KCNG2: variants seen among roughly 807,000 people sequenced by gnomAD.
The protein encoded by KCNG2 is potassium voltage-gated channel modifier subfamily G member 2.
In KCNG2, 7 loss-of-function variants were observed where a neutral mutation model predicts 12.3. That is an observed-to-expected ratio of 0.57 (90% CI 0.32 to 1.07). The LOEUF (loss-of-function observed/expected upper bound fraction) is 1.07, where lower values mean the gene tolerates loss of function less well. Ranked by LOEUF, KCNG2 falls within the 50% of genes least tolerant of loss-of-function variation. KCNG2 has a pLI of 0.04. For synonymous variants in KCNG2, 414 were observed against 351.4 expected, an observed-to-expected ratio of 1.18 and a Z score of -1.99; for missense variants, 703 against 726.0, an observed-to-expected ratio of 0.97 and a Z score of 0.36.
intron 3 of KCNG2, chr18:79,875,811 G>C (rs1980047436): frequency 6.6e-6 from 1 of 152,410 alleles, no homozygotes; most frequent in South Asian, 2.1e-4. Context: ...TGAAGGGGGA[G>C]GCGGTTGTGA....
chr18:79,895,413 G>T (rs1368434197), intron 3 of KCNG2, among the ~76,000 whole-genome samples: 1 of 151,694 alleles, frequency 6.6e-6, no homozygotes, highest in Non-Finnish European at 1.5e-5. Context: ...GTCTTCTTTT[G>T]ATTGCATTGT....
Position 79,884,767 on chromosome 18 carries a change from G to A in KCNG2, c.625-14273G>A, listed in dbSNP as rs1193845093. 6.6e-6 allele frequency among the ~76,000 whole-genome samples: 1 copy of A among 152,184 alleles called. No homozygotes were observed. Among genetic ancestry groups the A allele is most frequent in the Admixed American group, 6.5e-5 (1 of 15,284 alleles). On this transcript the variant is annotated intron_variant, in intron 3 of 3. Coordinates refer to ENST00000316249, the MANE Select transcript of KCNG2 (RefSeq NM_012283.2). The surrounding 1 kb of genome is among the most constrained non-coding windows in gnomAD (Gnocchi z 5.5). ...CGCCCGGCTCTGTGTTCCTCGGGGG[G>A]GCTCATCCTGGGGCCCAGGAACTCG...
rs1443950604 is a variant in KCNG2 at position 79,822,006 on chromosome 18, T to A, written c.-115+23992T>A. ...CCATTCTAGAAGTGGGCTGAGTGAA[T>A]GTGCCAGATGGGTTTGTTGTGAGGA... On this transcript the variant is annotated intron_variant, in intron 1 of 3. Transcript: ENST00000316249. The surrounding 1 kb of genome is among the most constrained non-coding windows in gnomAD (Gnocchi z 4.4). Among the ~76,000 whole-genome samples, 1 of 152,202 alleles carries A rather than the reference T, an allele frequency of 6.6e-6. No individual in the cohort carries two copies. The highest frequency in any genetic ancestry group is 1.5e-5 in the Non-Finnish European group (1 of 68,036).
At chr18:79,820,477 A>G (rs889545208) in intron 1 of KCNG2, among the ~76,000 whole-genome samples, 3 of 152,110 alleles carry the variant, frequency 2.0e-5, no homozygotes, top group African/African-American at 7.2e-5. Flanking sequence ...TGTCTTTCTT[A>G]TTACAGCCAT....
chr18:79,806,526 A>T (rs2087451165), intron 1 of KCNG2, among the ~76,000 whole-genome samples: 1 of 151,996 alleles, frequency 6.6e-6, no homozygotes, highest in Admixed American at 6.5e-5. Context: ...GGATCCTTCA[A>T]ATGCTTCAGT....
chr18:79,803,737 G>C lies in KCNG2; in HGVS notation c.-115+5723G>C, dbSNP rs1185386620. Reference sequence around the variant, plus strand: ...GTCCAGGAGCCCTCACAGCTCAGCCGGGGCCCTCCTGCGTCTCCCGACCAC... The same window carrying C: ...GTCCAGGAGCCCTCACAGCTCAGCCCGGGCCCTCCTGCGTCTCCCGACCAC... On this transcript the variant is annotated intron_variant, in intron 1 of 3. Transcript: ENST00000316249. The surrounding 1 kb of genome is among the most constrained non-coding windows in gnomAD (Gnocchi z 4.5). Among the ~76,000 whole-genome samples the C allele has an allele frequency of 6.6e-6, 1 of 152,214 alleles. No individual in the cohort carries two copies. The highest frequency in any genetic ancestry group is 1.5e-5 in the Non-Finnish European group (1 of 68,020).
intron 3 of KCNG2, among the ~76,000 whole-genome samples, chr18:79,867,620 C>T (rs906018418): frequency 2.0e-5 from 3 of 151,418 alleles, no homozygotes; most frequent in African/African-American, 7.3e-5. Context: ...AGCTCCGGGC[C>T]CTGGGCCTGG....
chr18:79,866,362 G>GAA (rs201887550), intron 3 of KCNG2, among the ~76,000 whole-genome samples: 1 of 105,804 alleles, frequency 9.5e-6, no homozygotes, highest in Non-Finnish European at 2.3e-5. Flanking sequence ...TGTGTGCTGA[G>GAA]GTCTGGGTGC....
chr18:79,823,159 A>G (rs777874494), intron 1 of KCNG2, among the ~76,000 whole-genome samples: 9 of 152,022 alleles, frequency 5.9e-5, no homozygotes, highest in Non-Finnish European at 1.2e-4. Context: ...TTCTCACTTA[A>G]TGTCCTGGAA....
At chr18:79,834,314 A>G (rs980832183) in intron 1 of KCNG2, among the ~76,000 whole-genome samples, 2 of 152,216 alleles carry the variant, frequency 1.3e-5, no homozygotes. Context: ...CATGTTTTAC[A>G]ATAGGTTGCA....
intron 1 of KCNG2, among the ~76,000 whole-genome samples, chr18:79,829,953 C>T (rs1320020150): frequency 1.3e-5 from 2 of 152,228 alleles, no homozygotes; most frequent in African/African-American, 4.8e-5. Flanking sequence ...CTTGTCAAAG[C>T]CTTGCACTTG....
At chr18:79,825,677 A>G (rs1427855773) in intron 1 of KCNG2, among the ~76,000 whole-genome samples, 1 of 152,252 alleles carries the variant, frequency 6.6e-6, no homozygotes, top group Non-Finnish European at 1.5e-5. Context: ...TAGATCAATC[A>G]CGCTGTCATT....
intron 1 of KCNG2, among the ~76,000 whole-genome samples, chr18:79,838,757 G>T (rs1365391949): frequency 1.3e-5 from 2 of 152,116 alleles, no homozygotes; most frequent in Admixed American, 1.3e-4. Flanking sequence ...TGAACAGAAT[G>T]AAAATATATA....
At position 79,863,932 on chromosome 18, in the gene KCNG2, A is replaced by G; in HGVS notation, c.265A>G (p.Lys89Glu). 7.3e-7 allele frequency: 1 copy of G among 1,364,846 alleles called. No homozygotes were observed. Among genetic ancestry groups the G allele is most frequent in the Non-Finnish European group, 9.5e-7 (1 of 1,053,502 alleles). The allele number at this position is 1,364,846 out of a possible 1,614,324, so 84.5% of individuals were successfully genotyped here. A position where few individuals can be genotyped will look rare whatever the true frequency, so the allele number is the denominator to read the frequency against. ...RAIVALLRAG[K>E]LRLLRGPCAL... is the part of the protein sequence containing the mutation. ...CATCGTGGCGCTTTTGCGCGCAGGGAAGCTGCGACTGCTGCGGGGCCCGTG... is the reference window on the plus strand; with the variant it reads ...CATCGTGGCGCTTTTGCGCGCAGGGGAGCTGCGACTGCTGCGGGGCCCGTG... The change falls in exon 3 of 4, where the codon AAG becomes GAG. Residue 89 changes from lysine (K) to glutamate (E), a missense_variant. Lys to Glu is a moderately conservative substitution (Grantham distance 56). Transcript: ENST00000316249.
intron 3 of KCNG2, among the ~76,000 whole-genome samples, chr18:79,870,136 T>C (rs987392570): frequency 6.6e-6 from 1 of 152,240 alleles, no homozygotes; most frequent in African/African-American, 2.4e-5. Context: ...GGACAGCTAC[T>C]GGAGGAGGCC....
intron 3 of KCNG2, among the ~76,000 whole-genome samples, chr18:79,878,828 G>C (rs1980182518): frequency 1.3e-5 from 2 of 152,250 alleles, no homozygotes; most frequent in South Asian, 4.1e-4. Flanking sequence ...CACGAAGGAA[G>C]ATGGTGGCCG....
intron 1 of KCNG2, among the ~76,000 whole-genome samples, chr18:79,806,936 C>T (rs1460352855): frequency 2.0e-5 from 3 of 152,224 alleles, no homozygotes; most frequent in Non-Finnish European, 4.4e-5. Flanking sequence ...TCCACCCTTA[C>T]TCATGGATCT....
intron 1 of KCNG2, among the ~76,000 whole-genome samples, chr18:79,840,735 G>C (rs1232606475): frequency 6.6e-6 from 1 of 152,090 alleles, no homozygotes; most frequent in Non-Finnish European, 1.5e-5. Context: ...ATTGGTGGAG[G>C]GATATGTACA....
chr18:79,864,304 G>C lies in KCNG2; in HGVS notation c.624+13G>C. 1 of 1,511,498 alleles carries C rather than the reference G, an allele frequency of 6.6e-7. No homozygotes were observed. The highest frequency in any genetic ancestry group is 2.9e-5 in the East Asian group (1 of 34,782). 93.6% of individuals were successfully genotyped at this position (1,511,498 alleles called of 1,614,324 possible). On this transcript the variant is annotated intron_variant, in intron 3 of 3. Transcript: ENST00000316249. ...CGAGGAGGAGCGGGTGAGCGCGGCC[G>C]GGGGTGGCGGGGACCGGGCCGGAGC... is the stretch of plus-strand genomic sequence containing the variant.
Sources: gnomAD v4.1 joint callset for allele counts (sites outside exome capture counted in the v4.1 genomes callset) on GRCh38, gnomAD v4.1.1 for gene constraint, Gnocchi (gnomAD v3.1) non-coding constraint, MANE v1.5 for transcripts, NCBI Gene and HGNC (gene_info 2026-07-23, HGNC 2026-07-21) for gene names.